ARMC9: variants seen among roughly 807,000 people sequenced by gnomAD.
ARMC9 encodes the protein armadillo repeat containing 9, also known as lisH domain-containing protein ARMC9.
Under a neutral mutation model 107.0 loss-of-function variants are expected in ARMC9, and 94 were observed. The observed-to-expected ratio is 0.88, with a 90% confidence interval of 0.74 to 1.04. The LOEUF is 1.04. Among genes scored for constraint, ARMC9 ranks in the 50% least tolerant of loss-of-function variants. The pLI is 0.00. For missense variants in ARMC9, 942 were observed against 1,030.1 expected (o/e 0.91, Z 1.17); for synonymous variants, 380 against 396.9 (o/e 0.96, Z 0.51).
intron 20 of ARMC9, among the ~76,000 whole-genome samples, chr2:231,335,181 G>T (rs2044003554): frequency 6.6e-6 from 1 of 152,234 alleles, no homozygotes; most frequent in Non-Finnish European, 1.5e-5. Context: ...TGCTCTTGCT[G>T]AGTGGGGTAG....
At chr2:231,254,667 A>T (rs1018996400) in intron 9 of ARMC9, among the ~76,000 whole-genome samples, 3 of 146,086 alleles carry the variant, frequency 2.1e-5, no homozygotes, top group Non-Finnish European at 3.1e-5. Flanking sequence ...AAAAAAAAAA[A>T]TTGAAAAAAA....
rs2035842843 is a variant in ARMC9 at position 231,237,662 on chromosome 2, AGT to A, written c.781-2280_781-2279del. 8.0e-5 allele frequency among the ~76,000 whole-genome samples: 12 copies of A among 150,254 alleles called. No homozygotes were observed. The South Asian group carries it at 2.3e-3, about 29-fold the overall frequency. ...CTTTGAAATCTTTGTCAGTTTGGTA[AGT>A]AAAACTTGGCATTCTGCATATTTTA... On this transcript the variant is annotated intron_variant, in intron 8 of 24. Coordinates refer to ENST00000611582, the MANE Select transcript of ARMC9 (RefSeq NM_001352754.2).
intron 17 of ARMC9, among the ~76,000 whole-genome samples, chr2:231,289,554 G>A (rs995567989): frequency 2.0e-5 from 3 of 152,206 alleles, no homozygotes; most frequent in Non-Finnish European, 4.4e-5. Context: ...CCCTTACATT[G>A]AGTGGGGGAT....
At position 231,296,581 on chromosome 2, in the gene ARMC9, C is replaced by T. The variant is rs115002618; in HGVS notation, c.1773+328C>T. On this transcript the variant is annotated intron_variant, in intron 19 of 24. Transcript: ENST00000611582. ...TTTTGCTCTGAAGGGGCACGAGCCT[C>T]GGCCTGTCTTCCTCACCGGTGGGAG... Among the ~76,000 whole-genome samples the T allele has an allele frequency of 9.0e-3, 1,369 of 152,332 alleles. 5 individuals are homozygous for T. Among genetic ancestry groups the T allele is most frequent in the Non-Finnish European group, 0.015 (1,049 of 68,032 alleles).
chr2:231,339,331 G>GA (rs60261237), intron 20 of ARMC9, among the ~76,000 whole-genome samples: 180 of 132,134 alleles, frequency 1.4e-3, no homozygotes, highest in African/African-American at 1.9e-3. Flanking sequence ...TCTGTCTTGT[G>GA]AAAAAAAAAA....
Position 231,276,707 on chromosome 2 carries a change from A to T in ARMC9, c.1406A>T (p.Asp469Val). ...CTGGTTGATGTTCTGAAGGACCCTG[A>T]CTGCCTGTCTGACTACACGCTGGAG... is the stretch of plus-strand genomic sequence containing the variant. ...FWLVDVLKDPDCLSDYTLEYS... is the reference protein window; with the variant it reads ...FWLVDVLKDPVCLSDYTLEYS... The change falls in exon 15 of 25, where the codon GAC (aspartate) becomes GTC (valine). Residue 469 changes from aspartate (D) to valine (V), a missense_variant. Physicochemically the swap from Asp to Val is radical, Grantham distance 152 (BLOSUM62 -3). Coordinates refer to ENST00000611582, the MANE Select transcript of ARMC9 (RefSeq NM_001352754.2). 1 of 1,613,866 alleles carries T rather than the reference A, an allele frequency of 6.2e-7. No individual in the cohort carries two copies. The highest frequency in any genetic ancestry group is 8.5e-7 in the Non-Finnish European group (1 of 1,179,980).
intron 16 of ARMC9, among the ~76,000 whole-genome samples, chr2:231,279,813 CTG>C (rs2040067861): frequency 6.6e-6 from 1 of 152,118 alleles, no homozygotes; most frequent in African/African-American, 2.4e-5. Context: ...CCTGGCCCGT[CTG>C]TTCCCATTTC....
intron 19 of ARMC9, among the ~76,000 whole-genome samples, chr2:231,317,123 G>C (rs1197496037): frequency 6.6e-6 from 1 of 151,674 alleles, no homozygotes; most frequent in East Asian, 1.9e-4. Context: ...GTTTGTCTAT[G>C]ATGTACCTAG....
chr2:231,218,270 C>G (rs1283724254), intron 5 of ARMC9, among the ~76,000 whole-genome samples: 1 of 151,974 alleles, frequency 6.6e-6, no homozygotes, highest in Non-Finnish European at 1.5e-5. Context: ...CTTCCTCTCC[C>G]AGAAGGTTGA....
At chr2:231,219,928 T>C (rs181245998) in intron 5 of ARMC9, among the ~76,000 whole-genome samples, 9 of 152,298 alleles carry the variant, frequency 5.9e-5, no homozygotes, top group Admixed American at 3.3e-4. Flanking sequence ...CCTCCTGGGC[T>C]CAAGTGATCT....
chr2:231,365,892 G>A (rs866069244), intron 23 of ARMC9, among the ~76,000 whole-genome samples: 5 of 151,830 alleles, frequency 3.3e-5, no homozygotes, highest in Non-Finnish European at 7.4e-5. Flanking sequence ...TCTGCCTCCC[G>A]GGTTCAAGCG....
At chr2:231,201,357 C>A (rs1466533783) in intron 1 of ARMC9, among the ~76,000 whole-genome samples, 2 of 152,136 alleles carry the variant, frequency 1.3e-5, no homozygotes, top group Non-Finnish European at 2.9e-5. Flanking sequence ...CTCTCCAGTT[C>A]CCTTGGAGCC....
intron 1 of ARMC9, among the ~76,000 whole-genome samples, chr2:231,203,199 C>T (rs1285964185): frequency 6.6e-6 from 1 of 152,158 alleles, no homozygotes; most frequent in Non-Finnish European, 1.5e-5. Flanking sequence ...GGAACCTCCA[C>T]TGGAATGTCT....
chr2:231,370,914 C>CAGCCAGTCGCA, intron 24 of ARMC9: 1 of 343,938 alleles, frequency 2.9e-6, no homozygotes, highest in South Asian at 2.1e-5. Flanking sequence ...GCCCCCAGCC[C>CAGCCAGTCGCA]GCCCCACCCT....
chr2:231,359,599 G>A (rs2045485749), intron 22 of ARMC9, among the ~76,000 whole-genome samples: 1 of 152,156 alleles, frequency 6.6e-6, no homozygotes, highest in Non-Finnish European at 1.5e-5. Flanking sequence ...CCTGGCGTGG[G>A]CACAGCTTTG....
rs550038697 is a variant in ARMC9 at position 231,256,458 on chromosome 2, C to A, written c.880-128C>A. ...TTGTGTTTCAAGTTAAAAAAAAAAACCAAAAAAAAAAACCCAAAAAACCTA... is the reference window on the plus strand; with the variant it reads ...TTGTGTTTCAAGTTAAAAAAAAAAAACAAAAAAAAAAACCCAAAAAACCTA... On this transcript the variant is annotated intron_variant, in intron 9 of 24. Transcript: ENST00000611582. The A allele has an allele frequency of 5.7e-3, 6,925 of 1,208,522 alleles. 9 individuals are homozygous for A. The highest frequency in any genetic ancestry group is 7.1e-3 in the Non-Finnish European group (6,018 of 849,988). 74.9% of individuals were successfully genotyped at this position (1,208,522 alleles called of 1,614,324 possible).
intron 6 of ARMC9, among the ~76,000 whole-genome samples, chr2:231,223,432 C>T (rs1302025337): frequency 6.6e-6 from 1 of 152,112 alleles, no homozygotes; most frequent in African/African-American, 2.4e-5. Flanking sequence ...AAGAGCAGAA[C>T]GTTAGGTCAC....
At chr2:231,234,150 A>T (rs1182143475) in intron 7 of ARMC9, among the ~76,000 whole-genome samples, 5 of 152,238 alleles carry the variant, frequency 3.3e-5, no homozygotes, top group African/African-American at 9.6e-5. Flanking sequence ...GATCAGGACA[A>T]TAGTGAGTTA....
At chr2:231,265,402 A>ATACC (rs1449946798) in intron 12 of ARMC9, among the ~76,000 whole-genome samples, 1 of 152,222 alleles carries the variant, frequency 6.6e-6, no homozygotes, top group African/African-American at 2.4e-5. Flanking sequence ...ACAACATGAG[A>ATACC]TACCACTCAG....
Sources: gnomAD v4.1 joint callset for allele counts (sites outside exome capture counted in the v4.1 genomes callset) on GRCh38, gnomAD v4.1.1 for gene constraint, MANE v1.5 for transcripts, NCBI Gene and HGNC (gene_info 2026-07-23, HGNC 2026-07-21) for gene names.